The following HIGD1A variants were observed in gnomAD, a reference collection of about 807,000 sequenced individuals.
HIGD1A encodes HIG1 domain family member 1A, mitochondrial.
A neutral mutation model predicts 11.3 loss-of-function variants in HIGD1A; 8 were observed. The ratio of observed to expected loss-of-function variants is 0.71; its 90% CI spans 0.42 to 1.28. The LOEUF is 1.28. HIGD1A is among the 50% of genes most tolerant of loss of function. HIGD1A has a pLI of 0.01. For synonymous variants in HIGD1A, 32 were observed against 38.4 expected (o/e 0.83, Z 0.62); for missense variants, 107 against 118.8 (o/e 0.90, Z 0.46).
At chr3:42,791,642 G>A (rs998830487) in intron 2 of HIGD1A, among the ~76,000 whole-genome samples, 1 of 152,046 alleles carries the variant, frequency 6.6e-6, no homozygotes, top group African/African-American at 2.4e-5. Context: ...AACATAATGG[G>A]AACAACTCCT....
At chr3:42,789,730 T>C (rs1365579791) in intron 2 of HIGD1A, among the ~76,000 whole-genome samples, 13 of 151,942 alleles carry the variant, frequency 8.6e-5, no homozygotes, top group Admixed American at 8.5e-4. Flanking sequence ...TTTTATCTAT[T>C]TATTTATTTA....
In HIGD1A at chr3:42,803,470, T is replaced by C. The variant is rs182939226; in HGVS notation, c.-23+966A>G. ...GGTCTGGGGCAGAGCTCAAGGAATC[T>C]TTAAGAAGCCCCTTCAAGTGACTCT... is the stretch of plus-strand genomic sequence containing the variant. On this transcript the variant is annotated intron_variant, in intron 1 of 3. Coordinates refer to ENST00000321331, the MANE Select transcript of HIGD1A (RefSeq NM_014056.4). Among the ~76,000 whole-genome samples, 15 of 152,330 alleles carry C rather than the reference T, an allele frequency of 9.8e-5. No homozygotes were observed. The East Asian group carries it at 2.9e-3, about 29-fold the overall frequency.
At chr3:42,802,002 C>G (rs1700570922) in intron 1 of HIGD1A, among the ~76,000 whole-genome samples, 2 of 152,128 alleles carry the variant, frequency 1.3e-5, no homozygotes, top group Non-Finnish European at 2.9e-5. Context: ...TGCACTCCAG[C>G]CGGGGCAACA....
At chr3:42,789,457 A>G (rs376277290) in intron 2 of HIGD1A, among the ~76,000 whole-genome samples, 21 of 151,936 alleles carry the variant, frequency 1.4e-4, no homozygotes, top group East Asian at 9.7e-4. Context: ...CTTGAGGCCA[A>G]GGGTTTGAGA....
intron 1 of HIGD1A, among the ~76,000 whole-genome samples, chr3:42,803,992 G>C (rs1012730255): frequency 3.3e-5 from 5 of 152,154 alleles, no homozygotes; most frequent in African/African-American, 4.8e-5. Context: ...GTGACTCCGT[G>C]ACCGGAGCGC....
At position 42,794,192 on chromosome 3, in the gene HIGD1A, A is replaced by G. The variant is rs1205167049; in HGVS notation, c.62T>C (p.Ile21Thr). The change falls in exon 2 of 4, where the codon ATT (isoleucine) becomes ACT (threonine). Residue 21 changes from isoleucine (I) to threonine (T), a missense_variant. Ile to Thr is a moderately conservative substitution (Grantham distance 89). Transcript: ENST00000321331. ...GAATGGTGCCTCTTTAGCTTTTCGA[A>G]TGAGTTTTGATCCCTGATCTTCCTC... The part of the protein sequence containing the change: ...SYEEDQGSKL[I>T]RKAKEAPFVP... 1.9e-6 allele frequency: 3 copies of G among 1,605,658 alleles called. No homozygotes were observed. In the South Asian group the frequency reaches 3.4e-5, roughly 18 times the overall value.
chr3:42,788,796 T>C (rs1700383178), intron 2 of HIGD1A, among the ~76,000 whole-genome samples: 1 of 151,608 alleles, frequency 6.6e-6, no homozygotes, highest in Non-Finnish European at 1.5e-5. Flanking sequence ...GAGAATCACT[T>C]GAACCCAGGA....
intron 1 of HIGD1A, chr3:42,804,022 C>G: frequency 1.2e-6 from 1 of 807,318 alleles, no homozygotes; most frequent in Non-Finnish European, 1.9e-6. Context: ...TATCCCGCCT[C>G]GCCTGCCGCT....
intron 1 of HIGD1A, among the ~76,000 whole-genome samples, chr3:42,799,783 C>T (rs1157437036): frequency 6.6e-6 from 1 of 152,146 alleles, no homozygotes; most frequent in Non-Finnish European, 1.5e-5. Context: ...GGTCAGATCT[C>T]TTTCACTGTC....
intron 2 of HIGD1A, among the ~76,000 whole-genome samples, chr3:42,792,930 C>T (rs557145462): frequency 3.3e-5 from 5 of 150,892 alleles, no homozygotes; most frequent in South Asian, 2.1e-4. Flanking sequence ...TGCAGTGAGC[C>T]GATATCGCGC....
chr3:42,803,990 G>A (rs1700603753), intron 1 of HIGD1A, among the ~76,000 whole-genome samples: 1 of 152,172 alleles, frequency 6.6e-6, no homozygotes, highest in Non-Finnish European at 1.5e-5. Context: ...TCGTGACTCC[G>A]TGACCGGAGC....
chr3:42,803,295 A>C (rs1293767558), intron 1 of HIGD1A, among the ~76,000 whole-genome samples: 2 of 152,354 alleles, frequency 1.3e-5, no homozygotes, highest in East Asian at 3.9e-4. Context: ...GAGACGTAAC[A>C]GGTTGAATGA....
At position 42,784,495 on chromosome 3, in the gene HIGD1A, C is replaced by G. The variant is rs1127544; in HGVS notation, c.*776G>C. The stretch of plus-strand genomic sequence containing the variant: ...TCCATTATAGGTAATTTGTTCAGTT[C>G]AATGTTTACAATTCTTATGGAAAAA... On this transcript the variant is annotated 3_prime_UTR_variant, in exon 4 of 4. Transcript: ENST00000321331. 2 of 152,604 alleles carry G rather than the reference C, an allele frequency of 1.3e-5. No homozygotes were observed. The highest frequency in any genetic ancestry group is 2.9e-5 in the Non-Finnish European group (2 of 68,046). 9.5% of individuals were successfully genotyped at this position (152,604 alleles called of 1,614,324 possible). A position where few individuals can be genotyped will look rare whatever the true frequency, so the allele number is the denominator to read the frequency against.
chr3:42,793,041 T>G (rs1021589643), intron 2 of HIGD1A, among the ~76,000 whole-genome samples: 1 of 150,462 alleles, frequency 6.6e-6, no homozygotes, highest in South Asian at 2.1e-4. Context: ...AGATAAAAAT[T>G]ATAATACATA....
At chr3:42,788,906 G>C (rs949453808) in intron 2 of HIGD1A, among the ~76,000 whole-genome samples, 2 of 151,578 alleles carry the variant, frequency 1.3e-5, no homozygotes, top group Non-Finnish European at 2.9e-5. Context: ...AAAAAGCCAT[G>C]AGAAGAGAAT....
At chr3:42,792,470 G>A (rs1301893280) in intron 2 of HIGD1A, among the ~76,000 whole-genome samples, 3 of 149,436 alleles carry the variant, frequency 2.0e-5, no homozygotes, top group South Asian at 4.3e-4. Flanking sequence ...TCAGGAGATC[G>A]AGATCATCCT....
intron 2 of HIGD1A, among the ~76,000 whole-genome samples, chr3:42,787,244 A>G (rs80027747): frequency 0.018 from 2,773 of 152,224 alleles, 80 homozygotes; most frequent in African/African-American, 0.063. Flanking sequence ...CAATGTAAAG[A>G]TAACCACCAG....
chr3:42,795,430 C>G (rs1159939601), intron 1 of HIGD1A, among the ~76,000 whole-genome samples: 1 of 151,908 alleles, frequency 6.6e-6, no homozygotes, highest in African/African-American at 2.4e-5. Flanking sequence ...CCATCTTGAC[C>G]AGGCTGGTCT....
chr3:42,794,787 C>T (rs1361677825), intron 1 of HIGD1A, among the ~76,000 whole-genome samples: 1 of 152,176 alleles, frequency 6.6e-6, no homozygotes, highest in East Asian at 1.9e-4. Flanking sequence ...TTCCTTGCTT[C>T]AATTTTCACT....
Sources: allele counts gnomAD v4.1 joint callset (sites outside exome capture counted in the v4.1 genomes callset), GRCh38; gene constraint gnomAD v4.1.1; transcripts MANE v1.5; gene names NCBI Gene and HGNC (gene_info 2026-07-23, HGNC 2026-07-21).